IQCB1: variants seen among roughly 807,000 people sequenced by gnomAD.
The protein encoded by IQCB1 is IQ motif containing B1.
In IQCB1, 56 loss-of-function variants were observed where a neutral mutation model predicts 84.4. The ratio of observed to expected loss-of-function variants is 0.66; its 90% confidence interval spans 0.54 to 0.83. The LOEUF (loss-of-function observed/expected upper bound fraction) is 0.83, where lower values mean the gene tolerates loss of function less well. Ranked by LOEUF, IQCB1 falls within the 40% of genes least tolerant of loss-of-function variation. The probability of loss-of-function intolerance (pLI) is 0.00; values close to 1 mark genes in which losing one functional copy is unlikely to be tolerated. For synonymous variants in IQCB1, 210 were observed against 234.8 expected (o/e 0.89, Z 0.96); for missense variants, 629 against 682.1 (o/e 0.92, Z 0.87).
At position 121,821,363 on chromosome 3, in the gene IQCB1, TC is replaced by T. The variant is rs1342955109; in HGVS notation, c.393+4687del. Reference sequence around the variant, plus strand: ...TACTTATTCCTCTTTCCTGGTCTTGTCCATTTCCGCTGCCTGTAATGCCCTC... The same window carrying T: ...TACTTATTCCTCTTTCCTGGTCTTGTCATTTCCGCTGCCTGTAATGCCCTC... On this transcript the variant is annotated intron_variant, in intron 5 of 14. Transcript: ENST00000310864. Among the ~76,000 whole-genome samples, 4 of 152,344 alleles carry T rather than the reference TC, an allele frequency of 2.6e-5. No individual in the cohort carries two copies. The East Asian group carries it at 7.7e-4, about 29-fold the overall frequency.
chr3:121,808,006 T>C (rs1949673009), intron 6 of IQCB1, among the ~76,000 whole-genome samples: 1 of 152,004 alleles, frequency 6.6e-6, no homozygotes, highest in Non-Finnish European at 1.5e-5. Context: ...AACCATTTCT[T>C]CATCTGTAAA....
chr3:121,771,045 C>T (rs568099890), intron 14 of IQCB1, among the ~76,000 whole-genome samples: 40 of 152,246 alleles, frequency 2.6e-4, no homozygotes, highest in Non-Finnish European at 4.6e-4. Context: ...GATCTCGGCT[C>T]ACTGCAACCT....
In IQCB1 at chr3:121,828,633, C is replaced by A. The variant is rs1372024420; in HGVS notation, c.101-1G>T. ...CCTAAAGGTGTGATGTTTATTATTT[C>A]TAAGGCAAAAGGAAATAAGATATAT... On this transcript the variant is annotated splice_acceptor_variant, in intron 3 of 14. Transcript: ENST00000310864. LOFTEE classifies it high-confidence loss of function. 6.3e-7 allele frequency: 1 copy of A among 1,586,544 alleles called. No homozygotes were observed. The highest frequency in any genetic ancestry group is 1.7e-5 in the Admixed American group (1 of 59,832).
intron 9 of IQCB1, 113 bp downstream of exon 9, chr3:121,797,005 G>A (rs2108565305): frequency 1.4e-6 from 1 of 730,018 alleles, no homozygotes. Flanking sequence ...TTCTGTTTTG[G>A]GGGTATTTTG....
intron 14 of IQCB1, 27 bp downstream of exon 14, chr3:121,772,530 G>C: frequency 6.2e-7 from 1 of 1,613,412 alleles, no homozygotes; most frequent in African/African-American, 1.3e-5. Context: ...GTTCCTTTTA[G>C]AGAACGAAAG....
At chr3:121,788,240 T>C in intron 12 of IQCB1, 44 bp downstream of exon 12, 1 of 1,596,018 alleles carries the variant, frequency 6.3e-7, no homozygotes, top group Non-Finnish European at 8.6e-7. Flanking sequence ...GAACTCATGT[T>C]TTTGCCTCTT....
chr3:121,810,566 T>C (rs1267482956), intron 5 of IQCB1, among the ~76,000 whole-genome samples: 2 of 151,508 alleles, frequency 1.3e-5, no homozygotes, highest in African/African-American at 4.8e-5. Context: ...GAAAGTAATA[T>C]ACAAATACAT....
rs777575826 is a variant in IQCB1 at position 121,770,532 on chromosome 3, A to G, written c.1610T>C (p.Leu537Pro). ...LKEAEGKEPE[L>P]FLSRSRPVAA... is the part of the protein sequence containing the mutation. ...CACAGGCCTGGATCTACTTAGGAAG[A>G]GCTCAGGTTCTTTCCCTTCTGCCTC... Residue 537 changes from leucine to proline, a missense_variant, in exon 15 of 15, where the codon CTC becomes CCC. Coordinates refer to ENST00000310864, the MANE Select transcript of IQCB1 (RefSeq NM_001023570.4). The G allele has an allele frequency of 1.2e-6, 2 of 1,613,994 alleles. No individual in the cohort carries two copies. The highest frequency in any genetic ancestry group is 2.7e-5 in the African/African-American group (2 of 74,920).
intron 4 of IQCB1, 121 bp downstream of exon 4, chr3:121,828,349 A>G (rs535550440): frequency 3.6e-6 from 3 of 834,446 alleles, no homozygotes; most frequent in South Asian, 1.4e-5. Context: ...GAAAAGTACA[A>G]CCAAAACCTA....
intron 5 of IQCB1, among the ~76,000 whole-genome samples, chr3:121,812,521 T>C (rs753994085): frequency 2.0e-5 from 3 of 152,024 alleles, no homozygotes; most frequent in South Asian, 2.1e-4. Context: ...GCTAAGAACA[T>C]TGAAAAAAGG....
At chr3:121,777,339 A>G (rs1948270016) in intron 13 of IQCB1, among the ~76,000 whole-genome samples, 1 of 152,226 alleles carries the variant, frequency 6.6e-6, no homozygotes, top group Admixed American at 6.5e-5. Context: ...AGACTACTAC[A>G]TATGTAGGCT....
At chr3:121,828,403 C>A in intron 4 of IQCB1, 67 bp downstream of exon 4, 4 of 1,403,322 alleles carry the variant, frequency 2.9e-6, no homozygotes, top group Non-Finnish European at 4.0e-6. Flanking sequence ...AAATAAAAAG[C>A]AAATGTTGAA....
intron 7 of IQCB1, among the ~76,000 whole-genome samples, chr3:121,802,502 T>C (rs566696291): frequency 2.6e-5 from 4 of 152,264 alleles, no homozygotes; most frequent in South Asian, 4.1e-4. Context: ...ATTCCTGAGA[T>C]TGGTCATTTG....
Position 121,781,723 on chromosome 3 carries a change from A to C in IQCB1, c.1410+20T>G. On this transcript the variant is annotated intron_variant, in intron 13 of 14. Transcript: ENST00000310864. ...TGCATTGGAATAATGTAATACTGAT[A>C]TGGTACAGAAGCTTCATACCAAATG... 6.2e-7 allele frequency: 1 copy of C among 1,607,526 alleles called. No individual in the cohort carries two copies. The highest frequency in any genetic ancestry group is 1.3e-5 in the African/African-American group (1 of 74,852).
chr3:121,801,781 T>C (rs1949416372), intron 7 of IQCB1, among the ~76,000 whole-genome samples: 1 of 148,426 alleles, frequency 6.7e-6, no homozygotes, highest in Non-Finnish European at 1.5e-5. Context: ...CTGAGAAAGT[T>C]CCCTTGTATT....
chr3:121,833,490 A>G (rs138983428), intron 2 of IQCB1, among the ~76,000 whole-genome samples: 1 of 152,220 alleles, frequency 6.6e-6, no homozygotes, highest in Non-Finnish European at 1.5e-5. Flanking sequence ...GGCTACCGTA[A>G]TAAAACATCA....
chr3:121,798,900 T>G (rs1030174508), intron 8 of IQCB1, among the ~76,000 whole-genome samples: 2 of 151,892 alleles, frequency 1.3e-5, no homozygotes, highest in African/African-American at 4.8e-5. Flanking sequence ...ATCTTTTTGG[T>G]CATTATTTTA....
At chr3:121,809,049 T>G in intron 5 of IQCB1, 40 bp from the exon 6 acceptor site, 1 of 1,236,408 alleles carries the variant, frequency 8.1e-7, no homozygotes, top group Non-Finnish European at 1.2e-6. Flanking sequence ...TTTCTATAGT[T>G]TTTTTCCTTT....
At position 121,807,400 on chromosome 3, in the gene IQCB1, A is replaced by G; in HGVS notation, c.531T>C (p.Asn177=). 2 of 1,580,516 alleles carry G rather than the reference A, an allele frequency of 1.3e-6. No individual in the cohort carries two copies. The highest frequency in any genetic ancestry group is 2.2e-5 in the South Asian group (2 of 90,328). ...DHFLHLLQAD[N]VQIGSAVMMM... ...TCATGACTGCAGATCCTATTTGGACATTGTCAGCTTGCAGTAAATGTAAGA... is the reference window on the plus strand; with the variant it reads ...TCATGACTGCAGATCCTATTTGGACGTTGTCAGCTTGCAGTAAATGTAAGA... Residue 177 remains asparagine, a synonymous_variant, in exon 7 of 15, where the codon AAT becomes AAC. Coordinates refer to ENST00000310864, the MANE Select transcript of IQCB1 (RefSeq NM_001023570.4).
Sources: allele counts gnomAD v4.1 joint callset (sites outside exome capture counted in the v4.1 genomes callset), GRCh38; gene constraint gnomAD v4.1.1; transcripts MANE v1.5; gene names NCBI Gene and HGNC (gene_info 2026-07-23, HGNC 2026-07-21).